Variants in SMOC2 observed in about 807,000 individuals in gnomAD.
SMOC2 encodes the protein SPARC related modular calcium binding 2.
In SMOC2, 39 loss-of-function variants were observed where a neutral mutation model predicts 61.4. The observed-to-expected ratio is 0.64, with a 90% confidence interval of 0.49 to 0.83. SMOC2 has a LOEUF of 0.83. Among genes scored for constraint, SMOC2 ranks in the 40% least tolerant of loss-of-function variants. The pLI is 0.00. For missense variants in SMOC2, 556 were observed against 592.9 expected (o/e 0.94, Z 0.65); for synonymous variants, 247 against 239.9 (o/e 1.03, Z -0.27).
chr6:168,554,906 T>C (rs942882569), intron 7 of SMOC2, among the ~76,000 whole-genome samples: 1 of 152,180 alleles, frequency 6.6e-6, no homozygotes, highest in African/African-American at 2.4e-5. Flanking sequence ...TGCTGCTGGG[T>C]CCCCTCTCAC....
At chr6:168,509,062 G>A (rs188737409) in intron 1 of SMOC2, among the ~76,000 whole-genome samples, 20 of 152,272 alleles carry the variant, frequency 1.3e-4, no homozygotes, top group Admixed American at 2.6e-4. Context: ...CTAGTTGGCC[G>A]GTCAGGAAGT....
intron 2 of SMOC2, among the ~76,000 whole-genome samples, chr6:168,515,311 C>T (rs1230777442): frequency 6.6e-6 from 1 of 152,214 alleles, no homozygotes; most frequent in Non-Finnish European, 1.5e-5. Context: ...TGTGGTGCTG[C>T]AGCTGCCAAG....
intron 4 of SMOC2, among the ~76,000 whole-genome samples, chr6:168,530,418 A>G (rs1884476): frequency 0.68 from 102,903 of 151,960 alleles, 37,026 homozygotes; most frequent in Non-Finnish European, 0.8. Context: ...CCTATTAATC[A>G]GATAATATAA....
At chr6:168,579,390 TC>T (rs1353281254) in intron 7 of SMOC2, among the ~76,000 whole-genome samples, 1 of 152,268 alleles carries the variant, frequency 6.6e-6, no homozygotes, top group Non-Finnish European at 1.5e-5. Flanking sequence ...CTTTTATTTC[TC>T]ATCAGCTGTA....
At chr6:168,545,526 G>A (rs1272255487) in intron 5 of SMOC2, among the ~76,000 whole-genome samples, 2 of 152,258 alleles carry the variant, frequency 1.3e-5, no homozygotes, top group African/African-American at 4.8e-5. Context: ...CACCCCGTCT[G>A]TGAGGGACGG....
At chr6:168,505,483 T>A (rs1441099966) in intron 1 of SMOC2, among the ~76,000 whole-genome samples, 1 of 151,522 alleles carries the variant, frequency 6.6e-6, no homozygotes, top group African/African-American at 2.4e-5. Context: ...GATGAATGAG[T>A]GAATGGAATG....
chr6:168,537,960 G>T (rs1041127489), intron 4 of SMOC2, among the ~76,000 whole-genome samples: 18 of 152,302 alleles, frequency 1.2e-4, no homozygotes, highest in African/African-American at 3.9e-4. Context: ...CCTGGAATCT[G>T]GGGAGTGGGG....
chr6:168,500,286 CAAAAAA>C (rs72258550), intron 1 of SMOC2, among the ~76,000 whole-genome samples: 1 of 99,318 alleles, frequency 1.0e-5, no homozygotes. Flanking sequence ...AACTCTGTCT[CAAAAAA>C]AAAAAAAAAA....
intron 9 of SMOC2, among the ~76,000 whole-genome samples, chr6:168,634,561 A>C (rs570273271): frequency 6.6e-6 from 1 of 152,318 alleles, no homozygotes; most frequent in South Asian, 2.1e-4. Flanking sequence ...CAGAATATTA[A>C]AAGTTCATGG....
intron 11 of SMOC2, among the ~76,000 whole-genome samples, chr6:168,659,567 AGGTTGAGTCAGGGTGGAGGTT>A (rs1481919710): frequency 2.8e-4 from 20 of 71,606 alleles, no homozygotes; most frequent in Admixed American, 4.4e-4. Context: ...TGGAGGTTGT[AGGTTGAGTCAGGGTGGAGGTT>A]GTAGGTTGGG....
At chr6:168,581,374 G>A (rs2115158791) in intron 7 of SMOC2, among the ~76,000 whole-genome samples, 1 of 152,198 alleles carries the variant, frequency 6.6e-6, no homozygotes. Flanking sequence ...GCCTGGCATG[G>A]GCATTATCTG....
At chr6:168,523,600 C>T (rs1783385135) in intron 2 of SMOC2, among the ~76,000 whole-genome samples, 1 of 151,328 alleles carries the variant, frequency 6.6e-6, no homozygotes, top group Non-Finnish European at 1.5e-5. Flanking sequence ...GGGGTTTCAC[C>T]ATGTTAGCCA....
In SMOC2 at chr6:168,527,484, G is replaced by A. The variant is rs1583082084; in HGVS notation, c.364-144G>A. On this transcript the variant is annotated intron_variant, in intron 3 of 12. Coordinates refer to ENST00000356284, the MANE Select transcript of SMOC2 (RefSeq NM_001166412.2). ...AGACCTGCACACTTTCTTTACCGAG[G>A]ACTCAAATGCAGCCACAGAAGTAGC... 5 of 628,272 alleles carry A rather than the reference G, an allele frequency of 8.0e-6. No individual in the cohort carries two copies. The East Asian group carries it at 1.4e-4, about 17-fold the overall frequency. 38.9% of individuals were successfully genotyped at this position (628,272 alleles called of 1,614,324 possible).
At chr6:168,492,795 C>G (rs1455879318) in intron 1 of SMOC2, among the ~76,000 whole-genome samples, 2 of 152,224 alleles carry the variant, frequency 1.3e-5, no homozygotes, top group Admixed American at 6.5e-5. Context: ...TAATTTGTCA[C>G]TCTGAGCAAG....
intron 4 of SMOC2, among the ~76,000 whole-genome samples, chr6:168,533,111 C>G (rs767807803): frequency 9.9e-5 from 15 of 152,106 alleles, no homozygotes; most frequent in Non-Finnish European, 2.2e-4. Context: ...TGAATTTCCT[C>G]CCCGCTCTAA....
At chr6:168,615,925 C>A (rs1017828647) in intron 9 of SMOC2, among the ~76,000 whole-genome samples, 2 of 152,182 alleles carry the variant, frequency 1.3e-5, no homozygotes, top group Non-Finnish European at 2.9e-5. Flanking sequence ...TCTGAGAGAG[C>A]ATAAAATGAA....
chr6:168,628,967 T>C (rs1786492721), intron 9 of SMOC2, among the ~76,000 whole-genome samples: 1 of 152,192 alleles, frequency 6.6e-6, no homozygotes, highest in African/African-American at 2.4e-5. Flanking sequence ...GCCCGGGACA[T>C]GGGCTGCGCA....
chr6:168,564,652 C>T (rs937260022), intron 7 of SMOC2, among the ~76,000 whole-genome samples: 8 of 152,122 alleles, frequency 5.3e-5, no homozygotes, highest in African/African-American at 1.9e-4. Context: ...TGGTAAAGTC[C>T]AGTTTACCTA....
chr6:168,521,199 A>T (rs1343014575), intron 2 of SMOC2, among the ~76,000 whole-genome samples: 1 of 151,682 alleles, frequency 6.6e-6, no homozygotes, highest in Non-Finnish European at 1.5e-5. Flanking sequence ...CCCAGGCTGG[A>T]GTATGGTGGC....
Sources: gnomAD v4.1 joint callset for allele counts (sites outside exome capture counted in the v4.1 genomes callset) on GRCh38, gnomAD v4.1.1 for gene constraint, MANE v1.5 for transcripts, NCBI Gene and HGNC (gene_info 2026-07-23, HGNC 2026-07-21) for gene names.